MDGA2: variants seen among roughly 807,000 people sequenced by gnomAD.
The protein encoded by MDGA2 is MAM domain containing glycosylphosphatidylinositol anchor 2, also known as MAM domain-containing glycosylphosphatidylinositol anchor protein 2.
MDGA2 carries 40 observed loss-of-function variants against 117.8 expected under a neutral mutation model. The observed-to-expected ratio is 0.34, with a 90% CI of 0.26 to 0.44. The LOEUF (loss-of-function observed/expected upper bound fraction) is 0.44. Ranked by LOEUF, MDGA2 falls within the 20% of genes least tolerant of loss-of-function variation. The pLI is 1.00. For synonymous variants in MDGA2, 452 were observed against 439.0 expected (o/e 1.03, Z -0.37); for missense variants, 1,123 against 1,250.6 (o/e 0.90, Z 1.54).
At chr14:46,950,209 T>TGATATTAAAG (rs1566541218) in intron 9 of MDGA2, among the ~76,000 whole-genome samples, 3 of 151,908 alleles carry the variant, frequency 2.0e-5, no homozygotes, top group African/African-American at 7.3e-5. Flanking sequence ...TACATTTTTA[T>TGATATTAAAG]TCCTAATTTT....
intron 1 of MDGA2, among the ~76,000 whole-genome samples, chr14:47,386,150 G>C (rs1339568124): frequency 1.8e-4 from 28 of 151,854 alleles, no homozygotes; most frequent in Admixed American, 1.8e-3. Flanking sequence ...GGCATGGTGG[G>C]GGGCACCTGT....
chr14:47,098,925 G>A (rs980149592), intron 5 of MDGA2, among the ~76,000 whole-genome samples: 15 of 151,842 alleles, frequency 9.9e-5, no homozygotes, highest in African/African-American at 3.4e-4. Flanking sequence ...ATGCAAAAAA[G>A]CTTAAGATAA....
intron 1 of MDGA2, among the ~76,000 whole-genome samples, chr14:47,479,196 T>C (rs1244212641): frequency 6.6e-6 from 1 of 152,186 alleles, no homozygotes; most frequent in African/African-American, 2.4e-5. Flanking sequence ...TAAATAATAA[T>C]ATTCAATCTG....
intron 1 of MDGA2, among the ~76,000 whole-genome samples, chr14:47,565,749 C>T (rs1271705476): frequency 6.6e-6 from 1 of 152,182 alleles, no homozygotes; most frequent in Non-Finnish European, 1.5e-5. Flanking sequence ...GGGGCTGAAT[C>T]CACTGGGGTC....
intron 1 of MDGA2, among the ~76,000 whole-genome samples, chr14:47,399,446 C>T (rs1462219288): frequency 6.6e-6 from 1 of 152,160 alleles, no homozygotes; most frequent in Non-Finnish European, 1.5e-5. Context: ...ACATCTGCTT[C>T]TGTATTCTCA....
chr14:47,331,876 G>T (rs1890303145), intron 1 of MDGA2, among the ~76,000 whole-genome samples: 1 of 151,756 alleles, frequency 6.6e-6, no homozygotes, highest in African/African-American at 2.4e-5. Context: ...TTCGATAATT[G>T]TCCACTTGCA....
At chr14:47,502,250 T>A (rs1489963918) in intron 1 of MDGA2, among the ~76,000 whole-genome samples, 1 of 152,094 alleles carries the variant, frequency 6.6e-6, no homozygotes, top group Admixed American at 6.6e-5. Context: ...TTTAGGAGGA[T>A]CCCTTAAGCC....
chr14:47,130,638 T>C (rs1882157125), intron 5 of MDGA2, among the ~76,000 whole-genome samples: 1 of 152,210 alleles, frequency 6.6e-6, no homozygotes, highest in African/African-American at 2.4e-5. Context: ...TGACCAGCTC[T>C]TTGTTGGAAG....
intron 8 of MDGA2, among the ~76,000 whole-genome samples, chr14:47,029,178 G>T (rs1182231775): frequency 6.6e-6 from 1 of 151,880 alleles, no homozygotes; most frequent in Non-Finnish European, 1.5e-5. Flanking sequence ...TTATGCTTTT[G>T]TTGAATATTC....
chr14:47,230,380 C>A (rs1458074199), intron 2 of MDGA2, among the ~76,000 whole-genome samples: 1 of 151,808 alleles, frequency 6.6e-6, no homozygotes, highest in African/African-American at 2.4e-5. Context: ...TAAATTTAGC[C>A]AAACTATACC....
chr14:47,418,195 A>G (rs1594847235), intron 1 of MDGA2, among the ~76,000 whole-genome samples: 2 of 151,804 alleles, frequency 1.3e-5, no homozygotes, highest in Non-Finnish European at 2.9e-5. Flanking sequence ...TCCTGCCTCA[A>G]CCTCCCGAGT....
At chr14:47,147,913 T>A (rs533385219) in intron 3 of MDGA2, among the ~76,000 whole-genome samples, 2 of 152,204 alleles carry the variant, frequency 1.3e-5, no homozygotes, top group Non-Finnish European at 2.9e-5. Context: ...ATTACTAGAA[T>A]TTTGTCAGAT....
At chr14:46,988,469 T>C (rs1886951057) in intron 8 of MDGA2, among the ~76,000 whole-genome samples, 1 of 152,002 alleles carries the variant, frequency 6.6e-6, no homozygotes, top group East Asian at 1.9e-4. Context: ...TGTTTGCTGA[T>C]AGGAAGCTGC....
At chr14:47,372,332 C>G (rs746740270) in intron 1 of MDGA2, among the ~76,000 whole-genome samples, 1 of 151,564 alleles carries the variant, frequency 6.6e-6, no homozygotes, top group African/African-American at 2.4e-5. Flanking sequence ...AAATGATAAG[C>G]AAATGTTAAT....
intron 3 of MDGA2, among the ~76,000 whole-genome samples, chr14:47,209,446 T>C (rs1885804650): frequency 6.6e-6 from 1 of 152,132 alleles, no homozygotes; most frequent in African/African-American, 2.4e-5. Flanking sequence ...GAGGGAAAGC[T>C]GACAGTTGCC....
In MDGA2 at chr14:47,291,328, C is replaced by G. The variant is rs138304305; in HGVS notation, c.420+10083G>C. On this transcript the variant is annotated intron_variant, in intron 2 of 16. Transcript: ENST00000399232. ...TAGTGATAGGACTTGTGAAGAGCAA[C>G]AACTTTTACCACCTTCCGTTATGCA... 9.8e-5 allele frequency among the ~76,000 whole-genome samples: 15 copies of G among 152,290 alleles called. No individual in the cohort carries two copies. The East Asian group carries it at 2.3e-3, about 24-fold the overall frequency.
chr14:47,612,352 G>C (rs1482714393), intron 1 of MDGA2, among the ~76,000 whole-genome samples: 1 of 152,006 alleles, frequency 6.6e-6, no homozygotes, highest in Non-Finnish European at 1.5e-5. Flanking sequence ...ATGTAATTTA[G>C]GAGGTTACAT....
At chr14:47,538,947 A>G (rs1895280801) in intron 1 of MDGA2, among the ~76,000 whole-genome samples, 1 of 151,694 alleles carries the variant, frequency 6.6e-6, no homozygotes, top group Non-Finnish European at 1.5e-5. Context: ...TAAGTGGGAG[A>G]CCTCCCCAAG....
chr14:47,409,077 G>T (rs751092266), intron 1 of MDGA2, among the ~76,000 whole-genome samples: 5 of 152,154 alleles, frequency 3.3e-5, no homozygotes, highest in Non-Finnish European at 7.3e-5. Context: ...AGAAAGGCGG[G>T]GGGGACTGGA....
Sources: gnomAD v4.1 joint callset for allele counts (sites outside exome capture counted in the v4.1 genomes callset) on GRCh38, gnomAD v4.1.1 for gene constraint, MANE v1.5 for transcripts, NCBI Gene and HGNC (gene_info 2026-07-23, HGNC 2026-07-21) for gene names.